The following PTPRD variants were observed in gnomAD, a reference collection of about 807,000 sequenced individuals.
PTPRD encodes receptor-type tyrosine-protein phosphatase delta.
Under a neutral mutation model 214.5 loss-of-function variants are expected in PTPRD, and 34 were observed. That is an observed-to-expected ratio of 0.16 (90% CI 0.12 to 0.21). The LOEUF is 0.21. Ranked by LOEUF, PTPRD falls within the 10% of genes least tolerant of loss-of-function variation. The probability of loss-of-function intolerance (pLI) is 1.00; values close to 1 mark genes in which losing one functional copy is unlikely to be tolerated. For missense variants in PTPRD, 2,545 were observed against 2,398.7 expected, an observed-to-expected ratio of 1.06 and a Z score of -1.27; for synonymous variants, 1,128 against 845.7, an observed-to-expected ratio of 1.33 and a Z score of -5.79.
intron 9 of PTPRD, among the ~76,000 whole-genome samples, chr9:9,265,806 G>A (rs1036552486): frequency 6.6e-6 from 1 of 150,770 alleles, no homozygotes; most frequent in Non-Finnish European, 1.5e-5. Context: ...AAAAAATAAA[G>A]AAAGGAACAA....
At chr9:9,575,630 G>A (rs1214190431) in intron 7 of PTPRD, among the ~76,000 whole-genome samples, 2 of 140,364 alleles carry the variant, frequency 1.4e-5, no homozygotes, top group African/African-American at 5.2e-5. Context: ...TGAGGCAGGA[G>A]AATCACTGGA....
intron 11 of PTPRD, among the ~76,000 whole-genome samples, chr9:8,989,169 G>C (rs2099356791): frequency 6.6e-6 from 1 of 151,966 alleles, no homozygotes; most frequent in Admixed American, 6.6e-5. Flanking sequence ...GATCAAATCA[G>C]GGTAGGGATA....
chr9:9,992,376 G>GTCAT (rs2095970031), intron 4 of PTPRD, among the ~76,000 whole-genome samples: 5 of 152,202 alleles, frequency 3.3e-5, no homozygotes, highest in Non-Finnish European at 7.3e-5. Context: ...TTCAACCATT[G>GTCAT]TGGAAGCCAG....
chr9:9,488,322 C>A (rs7044905), intron 8 of PTPRD, among the ~76,000 whole-genome samples: 109,590 of 152,012 alleles, frequency 0.72, 39,549 homozygotes, highest in African/African-American at 0.74. Flanking sequence ...TAGTGGTCTA[C>A]AATTTCTTTT....
intron 14 of PTPRD, among the ~76,000 whole-genome samples, chr9:8,605,045 T>C (rs867263434): frequency 9.8e-5 from 15 of 152,332 alleles, no homozygotes; most frequent in African/African-American, 3.4e-4. Flanking sequence ...TCTTTTAATC[T>C]ATTAGTTGAA....
chr9:9,875,738 A>G (rs116362849), intron 5 of PTPRD, among the ~76,000 whole-genome samples: 1,918 of 152,264 alleles, frequency 0.013, 40 homozygotes, highest in African/African-American at 0.043. Context: ...TTGGAATATT[A>G]ACCCTTTATA....
At chr9:8,885,277 G>A (rs1168110174) in intron 11 of PTPRD, among the ~76,000 whole-genome samples, 1 of 152,088 alleles carries the variant, frequency 6.6e-6, no homozygotes, top group African/African-American at 2.4e-5. Context: ...GGATTAGGGT[G>A]ACCAATCATC....
chr9:10,128,012 G>A (rs933417720), intron 3 of PTPRD, among the ~76,000 whole-genome samples: 2 of 152,056 alleles, frequency 1.3e-5, no homozygotes, highest in African/African-American at 4.8e-5. Flanking sequence ...TTTGGAGAAA[G>A]GCCTTGGTAG....
intron 5 of PTPRD, among the ~76,000 whole-genome samples, chr9:9,819,721 G>C (rs192439295): frequency 2.0e-5 from 3 of 152,144 alleles, no homozygotes; most frequent in African/African-American, 7.2e-5. Flanking sequence ...ATGTCCATGA[G>C]CATCCGACAC....
At chr9:8,807,788 TTCATA>T (rs2154521462) in intron 11 of PTPRD, among the ~76,000 whole-genome samples, 1 of 152,288 alleles carries the variant, frequency 6.6e-6, no homozygotes, top group African/African-American at 2.4e-5. Flanking sequence ...TGAAATTTGT[TTCATA>T]TCCACAGTCC....
intron 5 of PTPRD, among the ~76,000 whole-genome samples, chr9:9,912,781 T>G (rs1370341237): frequency 6.6e-6 from 1 of 152,102 alleles, no homozygotes; most frequent in South Asian, 2.1e-4. Flanking sequence ...GATGTAAAGA[T>G]TTTTTTTCTT....
chr9:9,062,494 A>T (rs575486500), intron 10 of PTPRD, among the ~76,000 whole-genome samples: 2 of 152,062 alleles, frequency 1.3e-5, no homozygotes, highest in Admixed American at 6.6e-5. Context: ...TCTCACCCAC[A>T]CAGAAAAACA....
intron 2 of PTPRD, among the ~76,000 whole-genome samples, chr9:10,415,908 CAG>C (rs1337144463): frequency 1.3e-5 from 2 of 151,810 alleles, no homozygotes; most frequent in East Asian, 3.9e-4. Flanking sequence ...GAAAGAAATC[CAG>C]AGAGAGAACA....
chr9:8,758,760 CCTT>C (rs1476673899), intron 11 of PTPRD, among the ~76,000 whole-genome samples: 2 of 148,514 alleles, frequency 1.3e-5, no homozygotes, highest in African/African-American at 5.0e-5. Context: ...TAGAAAATAA[CCTT>C]TTTTTTTTTT....
At chr9:8,757,176 T>C (rs1298511565) in intron 11 of PTPRD, among the ~76,000 whole-genome samples, 1 of 149,708 alleles carries the variant, frequency 6.7e-6, no homozygotes, top group Non-Finnish European at 1.5e-5. Flanking sequence ...ATATTTATTG[T>C]CAACTCTCTG....
chr9:8,866,518 A>C (rs1222153476), intron 11 of PTPRD, among the ~76,000 whole-genome samples: 1 of 151,516 alleles, frequency 6.6e-6, no homozygotes, highest in African/African-American at 2.4e-5. Flanking sequence ...CTCCCATGCT[A>C]AAAAAAACCT....
chr9:10,012,396 G>T (rs1340089361), intron 4 of PTPRD, among the ~76,000 whole-genome samples: 1 of 151,876 alleles, frequency 6.6e-6, no homozygotes, highest in Non-Finnish European at 1.5e-5. Context: ...GTTCCTTTGA[G>T]TACTATCACA....
At chr9:9,234,809 G>C (rs917540117) in intron 9 of PTPRD, among the ~76,000 whole-genome samples, 5 of 152,142 alleles carry the variant, frequency 3.3e-5, no homozygotes, top group Admixed American at 2.0e-4. Flanking sequence ...ACCACTATCA[G>C]CATTTCGCTA....
At chr9:9,660,862 G>A (rs2096609366) in intron 7 of PTPRD, among the ~76,000 whole-genome samples, 1 of 151,930 alleles carries the variant, frequency 6.6e-6, no homozygotes, top group African/African-American at 2.4e-5. Flanking sequence ...CTCAGAGCCT[G>A]AATCACTGGA....
Sources: allele counts gnomAD v4.1 joint callset (sites outside exome capture counted in the v4.1 genomes callset), GRCh38; gene constraint gnomAD v4.1.1; transcripts MANE v1.5; gene names NCBI Gene and HGNC (gene_info 2026-07-23, HGNC 2026-07-21).